TMEM260: variants seen among roughly 807,000 people sequenced by gnomAD.
The protein encoded by TMEM260 is transmembrane protein 260, also known as protein O-mannosyl-transferase TMEM260.
A neutral mutation model predicts 88.9 loss-of-function variants in TMEM260; 82 were observed. The observed-to-expected ratio is 0.92, with a 90% CI of 0.77 to 1.11. The LOEUF is 1.11. TMEM260 is among the 50% of genes least tolerant of loss of function. The pLI, the probability that TMEM260 is intolerant of heterozygous loss-of-function variation, is 0.00. For missense variants in TMEM260, 902 were observed against 853.4 expected (o/e 1.06, Z -0.71); for synonymous variants, 314 against 309.3 (o/e 1.02, Z -0.16).
At chr14:56,616,185 T>G in intron 8 of TMEM260, 158 bp downstream of exon 8, 1 of 545,854 alleles carries the variant, frequency 1.8e-6, no homozygotes, top group Non-Finnish European at 3.2e-6. Context: ...TGCTTTCTTC[T>G]ATTCTGATTC....
rs182724681 is a variant in TMEM260, at chr14:56,616,262, C to G, written c.941+235C>G. On this transcript the variant is annotated intron_variant, in intron 8 of 15. Transcript: ENST00000261556. ...ATCTAAGTAGACAGTCATTTGATGT[C>G]CTAAACTTCAGGTTTGATCCCTTAA... 175 of 374,554 alleles carry G rather than the reference C, an allele frequency of 4.7e-4. 4 individuals are homozygous for G. The East Asian group carries it at 4.9e-3, about 11-fold the overall frequency. 23.2% of individuals were successfully genotyped at this position (374,554 alleles called of 1,614,324 possible). A position where few individuals can be genotyped will look rare whatever the true frequency, so the allele number is the denominator to read the frequency against.
intron 11 of TMEM260, among the ~76,000 whole-genome samples, chr14:56,622,140 G>C (rs527296941): frequency 4.6e-5 from 7 of 151,902 alleles, no homozygotes; most frequent in African/African-American, 1.7e-4. Flanking sequence ...TCAGGAGATC[G>C]AGACCATCCT....
intron 11 of TMEM260, among the ~76,000 whole-genome samples, chr14:56,624,800 G>A (rs1363310094): frequency 2.7e-5 from 4 of 146,238 alleles, no homozygotes; most frequent in Non-Finnish European, 3.0e-5. Context: ...TTGAATACAC[G>A]TTCTCTAGGT....
At chr14:56,641,476 G>C (rs916071055) in intron 15 of TMEM260, among the ~76,000 whole-genome samples, 1 of 152,150 alleles carries the variant, frequency 6.6e-6, no homozygotes, top group African/African-American at 2.4e-5. Context: ...GAGAGATTTT[G>C]TCACCACCAG....
At chr14:56,629,246 G>A (rs1005288064) in intron 12 of TMEM260, among the ~76,000 whole-genome samples, 7 of 148,008 alleles carry the variant, frequency 4.7e-5, no homozygotes, top group East Asian at 2.0e-4. Flanking sequence ...TTACTATATC[G>A]CTTGGTAAAG....
At chr14:56,641,564 C>T (rs1006103824) in intron 15 of TMEM260, among the ~76,000 whole-genome samples, 1 of 152,086 alleles carries the variant, frequency 6.6e-6, no homozygotes, top group African/African-American at 2.4e-5. Context: ...CAAAAACATG[C>T]CAAATGGTAA....
At chr14:56,600,431 C>T (rs931588962) in intron 3 of TMEM260, among the ~76,000 whole-genome samples, 8 of 151,554 alleles carry the variant, frequency 5.3e-5, no homozygotes, top group Non-Finnish European at 7.4e-5. Flanking sequence ...TGTGGTTAGC[C>T]GAAAAGAAAC....
At chr14:56,607,892 T>C (rs956440347) in intron 5 of TMEM260, among the ~76,000 whole-genome samples, 13 of 152,212 alleles carry the variant, frequency 8.5e-5, no homozygotes, top group African/African-American at 2.9e-4. Flanking sequence ...CTCATGCAAT[T>C]GTCTCCCTGT....
rs1887941481 is a variant in TMEM260, at chr14:56,621,809, C to T, written c.1398+107C>T. ...TGGACGGGTACAGTTTTCATGATCA[C>T]TGTTAGGTAGAATATATATGACATT... On this transcript the variant is annotated intron_variant, in intron 11 of 15. Coordinates refer to ENST00000261556, the MANE Select transcript of TMEM260 (RefSeq NM_017799.4). 5 of 878,546 alleles carry T rather than the reference C, an allele frequency of 5.7e-6. No homozygotes were observed. The Middle Eastern group carries it at 1.2e-3, about 206-fold the overall frequency. 54.4% of individuals were successfully genotyped at this position (878,546 alleles called of 1,614,324 possible). A position where few individuals can be genotyped will look rare whatever the true frequency, so the allele number is the denominator to read the frequency against.
At chr14:56,634,812 A>G (rs1888902787) in intron 13 of TMEM260, 87 bp from the exon 14 acceptor site, 2 of 1,209,076 alleles carry the variant, frequency 1.7e-6, no homozygotes, top group Non-Finnish European at 2.4e-6. Context: ...ATTGCATTCC[A>G]GCCTGGGCAG....
intron 5 of TMEM260, among the ~76,000 whole-genome samples, chr14:56,608,711 G>A (rs1458236762): frequency 1.3e-5 from 2 of 152,140 alleles, no homozygotes; most frequent in Non-Finnish European, 2.9e-5. Flanking sequence ...ATGACAAAGT[G>A]AATTGGTCTT....
chr14:56,635,022 T>A, intron 14 of TMEM260, 70 bp downstream of exon 14: 1 of 1,377,314 alleles, frequency 7.3e-7, no homozygotes. Flanking sequence ...ATGGCACTTT[T>A]AATTTTGAGA....
In TMEM260 at chr14:56,585,864, G is replaced by A. The variant is rs1257623561; in HGVS notation, c.296G>A (p.Gly99Asp). 5 of 1,613,330 alleles carry A rather than the reference G, an allele frequency of 3.1e-6. No individual in the cohort carries two copies. In the African/African-American group the frequency reaches 6.7e-5, roughly 22 times the overall value. ...SIAYRVNLLC[G>D]LFGAVAASLL... is the part of the protein sequence containing the mutation. ...GCCTACCGCGTCAATCTTCTCTGTG[G>A]CTTATTTGGAGCAGTAGCTGCATCA... is the stretch of plus-strand genomic sequence containing the variant. The change falls in exon 3 of 16, where the codon GGC becomes GAC. Residue 99 changes from glycine to aspartate, a missense_variant. Gly to Asp is a moderately conservative substitution (Grantham distance 94). Transcript: ENST00000261556.
chr14:56,620,921 T>C (rs1356218268), intron 10 of TMEM260, among the ~76,000 whole-genome samples: 1 of 152,156 alleles, frequency 6.6e-6, no homozygotes, highest in Non-Finnish European at 1.5e-5. Context: ...TTATTGGCAA[T>C]AGCAAATAAT....
chr14:56,596,402 GTGTGTA>G (rs1210981654), intron 3 of TMEM260, among the ~76,000 whole-genome samples: 27 of 125,926 alleles, frequency 2.1e-4, no homozygotes, highest in African/African-American at 7.5e-4. Flanking sequence ...GTGTGTGTGT[GTGTGTA>G]TATATATATA....
At chr14:56,643,627 CCTATT>C (rs1272260503) in intron 15 of TMEM260, among the ~76,000 whole-genome samples, 1 of 152,140 alleles carries the variant, frequency 6.6e-6, no homozygotes, top group East Asian at 1.9e-4. Context: ...TCTCACCACT[CCTATT>C]CAACATAGTG....
At chr14:56,629,044 T>G (rs1289346639) in intron 12 of TMEM260, among the ~76,000 whole-genome samples, 1 of 151,808 alleles carries the variant, frequency 6.6e-6, no homozygotes, top group Non-Finnish European at 1.5e-5. Context: ...TACAGGCATG[T>G]GCCACCAAGC....
At chr14:56,599,166 T>C (rs910375021) in intron 3 of TMEM260, among the ~76,000 whole-genome samples, 3 of 152,170 alleles carry the variant, frequency 2.0e-5, no homozygotes, top group African/African-American at 7.2e-5. Flanking sequence ...CCCTACTGGC[T>C]TTACTTCCTT....
chr14:56,608,999 C>G, intron 5 of TMEM260, 107 bp from the exon 6 acceptor site: 3 of 1,146,238 alleles, frequency 2.6e-6, no homozygotes, highest in South Asian at 3.0e-5. Context: ...ATTGGGAGAT[C>G]AGCTCTGAGT....
Sources: allele counts gnomAD v4.1 joint callset (sites outside exome capture counted in the v4.1 genomes callset), GRCh38; gene constraint gnomAD v4.1.1; transcripts MANE v1.5; gene names NCBI Gene and HGNC (gene_info 2026-07-23, HGNC 2026-07-21).